ATG7: variants seen among roughly 807,000 people sequenced by gnomAD.
The protein encoded by ATG7 is ubiquitin-like modifier-activating enzyme ATG7.
A neutral mutation model predicts 82.4 loss-of-function variants in ATG7; 70 were observed. The ratio of observed to expected loss-of-function variants is 0.85; its 90% CI spans 0.70 to 1.04. ATG7 has a LOEUF of 1.04. ATG7 is among the 50% of genes least tolerant of loss of function. ATG7 has a pLI of 0.00. For missense variants in ATG7, 792 were observed against 864.3 expected (o/e 0.92, Z 1.05); for synonymous variants, 287 against 313.0 (o/e 0.92, Z 0.88).
Position 11,354,520 on chromosome 3 carries a change from A to G in ATG7, c.1285-3898A>G, listed in dbSNP as rs111546807. Among the ~76,000 whole-genome samples, 410 of 151,938 alleles carry G rather than the reference A, an allele frequency of 2.7e-3. 4 individuals are homozygous for G. Among genetic ancestry groups the G allele is most frequent in the Admixed American group, 5.5e-3 (84 of 15,258 alleles). On this transcript the variant is annotated intron_variant, in intron 14 of 20. Coordinates refer to ENST00000693202, the MANE Select transcript of ATG7 (RefSeq NM_001349232.2). ...AAAAATTAGCTGGGCGTGGTGGCGC[A>G]CACCTGTACTCTCAGCTACTTGGGA...
At chr3:11,525,228 G>C (rs1470327029) in intron 20 of ATG7, among the ~76,000 whole-genome samples, 1 of 151,180 alleles carries the variant, frequency 6.6e-6, no homozygotes, top group African/African-American at 2.5e-5. Context: ...ATGTGGTTTT[G>C]CCATGTTGGC....
At chr3:11,374,980 A>G (rs1434160893) in intron 18 of ATG7, among the ~76,000 whole-genome samples, 3 of 147,906 alleles carry the variant, frequency 2.0e-5, no homozygotes, top group African/African-American at 7.6e-5. Context: ...AGGTGGGAGG[A>G]TCGCTTGAGC....
chr3:11,327,424 C>T (rs73125442), intron 9 of ATG7, among the ~76,000 whole-genome samples: 3,890 of 152,248 alleles, frequency 0.026, 174 homozygotes, highest in African/African-American at 0.089. Context: ...GAATCACATG[C>T]GGTATTCACT....
chr3:11,502,482 T>G (rs1244935517), intron 20 of ATG7, among the ~76,000 whole-genome samples: 1 of 148,974 alleles, frequency 6.7e-6, no homozygotes, highest in Non-Finnish European at 1.5e-5. Context: ...GTGTTTGGTT[T>G]TTTGTTCTTG....
At chr3:11,534,668 A>G (rs1356643779) in intron 20 of ATG7, among the ~76,000 whole-genome samples, 1 of 152,238 alleles carries the variant, frequency 6.6e-6, no homozygotes, top group Non-Finnish European at 1.5e-5. Context: ...GTTGGGCCCC[A>G]AATGGCCCTA....
At chr3:11,519,386 T>C (rs1004055726) in intron 20 of ATG7, among the ~76,000 whole-genome samples, 4 of 152,060 alleles carry the variant, frequency 2.6e-5, no homozygotes, top group Non-Finnish European at 4.4e-5. Flanking sequence ...TGAATCTTAC[T>C]CAGATTTTGT....
chr3:11,568,518 C>T, the ATG7 span: 3 of 1,525,564 alleles, frequency 2.0e-6, no homozygotes, highest in Non-Finnish European at 8.9e-7. This position sits in a 1 kb window ranked among gnomAD's most constrained non-coding sequence, Gnocchi z 5.9. Flanking sequence ...ACAGTGGGCA[C>T]TATGGGTCAG....
rs777067201 is a variant in ATG7, at chr3:11,364,729, C to T, written c.1870C>T (p.His624Tyr). The T allele has an allele frequency of 5.6e-6, 9 of 1,614,110 alleles. No individual in the cohort carries two copies. The highest frequency in any genetic ancestry group is 6.8e-6 in the Non-Finnish European group (8 of 1,179,974). Residue 624 changes from histidine to tyrosine, a missense_variant, in exon 18 of 21, where the codon CAC becomes TAC. Physicochemically the swap from His to Tyr is moderately conservative, Grantham distance 83. Transcript: ENST00000693202. ...TCCAACCTCTCTTGGGCTTGTGCCT[C>T]ACCAGGTTAGTGATGTGGAAGTGAA... ...EPPTSLGLVP[H>Y]QIRGFLSRFD...
Position 11,373,549 on chromosome 3 carries a change from T to G in ATG7, c.1876-6423T>G, listed in dbSNP as rs115752398. Among the ~76,000 whole-genome samples the G allele has an allele frequency of 4.6e-3, 705 of 152,302 alleles. 3 individuals are homozygous for G. Among genetic ancestry groups the G allele is most frequent in the Non-Finnish European group, 7.6e-3 (518 of 68,026 alleles). On this transcript the variant is annotated intron_variant, in intron 18 of 20. Coordinates refer to ENST00000693202, the MANE Select transcript of ATG7 (RefSeq NM_001349232.2). ...CCTTTTGAATCAAGTTCCAGGGGCT[T>G]CTTCTGATGAGGCAAGTTTAGAAAA...
rs973481854 is a variant in ATG7 at position 11,369,885 on chromosome 3, C to T, written c.1875+5151C>T. Among the ~76,000 whole-genome samples, 2 of 151,108 alleles carry T rather than the reference C, an allele frequency of 1.3e-5. 1 individual carries two copies. The highest frequency in any genetic ancestry group is 3.0e-5 in the Non-Finnish European group (2 of 67,794). ...GAAGGCAGCCTGAAGGTTTTGTGAT[C>T]ATACAGATCTGATTAGAACCCCAGC... On this transcript the variant is annotated intron_variant, in intron 18 of 20. Transcript: ENST00000693202.
At chr3:11,289,320 TTCTTAAA>T (rs1944578041) in intron 3 of ATG7, among the ~76,000 whole-genome samples, 1 of 152,228 alleles carries the variant, frequency 6.6e-6, no homozygotes, top group East Asian at 1.9e-4. Context: ...CGACCATTAC[TTCTTAAA>T]TCTTCCCTTC....
intron 20 of ATG7, among the ~76,000 whole-genome samples, chr3:11,547,619 C>A (rs1302176331): frequency 6.6e-6 from 1 of 152,100 alleles, no homozygotes; most frequent in African/African-American, 2.4e-5. Context: ...GTGGCTGAAC[C>A]ATTTCACATT....
At chr3:11,316,155 A>T (rs1949379937) in intron 9 of ATG7, among the ~76,000 whole-genome samples, 1 of 152,076 alleles carries the variant, frequency 6.6e-6, no homozygotes, top group Admixed American at 6.6e-5. Flanking sequence ...GACACTTAGA[A>T]TCTTGTTTCC....
At chr3:11,314,600 A>G (rs756511676) in intron 8 of ATG7, among the ~76,000 whole-genome samples, 3 of 152,100 alleles carry the variant, frequency 2.0e-5, no homozygotes, top group Non-Finnish European at 1.5e-5. Flanking sequence ...TGAACATACT[A>G]AAAAAACAAA....
intron 12 of ATG7, among the ~76,000 whole-genome samples, 168 bp from the exon 13 acceptor site, chr3:11,341,967 T>C (rs1425907175): frequency 1.3e-5 from 2 of 152,192 alleles, no homozygotes. Context: ...AGCATGCTGC[T>C]GGGTGGGAAG....
intron 19 of ATG7, among the ~76,000 whole-genome samples, chr3:11,384,319 C>T (rs1258656063): frequency 6.6e-6 from 1 of 152,198 alleles, no homozygotes; most frequent in Non-Finnish European, 1.5e-5. Flanking sequence ...ACTTGGTTTG[C>T]ATACCATCTG....
At chr3:11,513,715 C>T (rs1303388107) in intron 20 of ATG7, among the ~76,000 whole-genome samples, 1 of 152,264 alleles carries the variant, frequency 6.6e-6, no homozygotes, top group Non-Finnish European at 1.5e-5. Flanking sequence ...GGCTGAAGGG[C>T]CCCTCAAGTG....
intron 20 of ATG7, among the ~76,000 whole-genome samples, chr3:11,546,655 A>G (rs1032082100): frequency 6.6e-6 from 1 of 152,218 alleles, no homozygotes; most frequent in Non-Finnish European, 1.5e-5. Flanking sequence ...GCTCCTTTCA[A>G]ACTCGTCTGT....
chr3:11,533,351 T>C (rs1257835603), intron 20 of ATG7, among the ~76,000 whole-genome samples: 1 of 151,970 alleles, frequency 6.6e-6, no homozygotes, highest in Non-Finnish European at 1.5e-5. Context: ...TCTGGGGTGA[T>C]TTTTTTTCCA....
Sources: allele counts gnomAD v4.1 joint callset (sites outside exome capture counted in the v4.1 genomes callset), GRCh38; gene constraint gnomAD v4.1.1; non-coding constraint Gnocchi (gnomAD v3.1); transcripts MANE v1.5; gene names NCBI Gene and HGNC (gene_info 2026-07-23, HGNC 2026-07-21).